ANO7: variants seen among roughly 807,000 people sequenced by gnomAD.
ANO7 encodes the protein anoctamin 7.
Under a neutral mutation model 115.8 loss-of-function variants are expected in ANO7, and 114 were observed. The ratio of observed to expected loss-of-function variants is 0.98; its 90% CI spans 0.85 to 1.15. The LOEUF is 1.15. Among genes scored for constraint, ANO7 ranks in the 50% most tolerant of loss-of-function variants. The probability of loss-of-function intolerance (pLI) is 0.00; values close to 1 mark genes in which losing one functional copy is unlikely to be tolerated. For synonymous variants in ANO7, 550 were observed against 498.2 expected, an observed-to-expected ratio of 1.10 and a Z score of -1.38; for missense variants, 1,302 against 1,201.2, an observed-to-expected ratio of 1.08 and a Z score of -1.24.
At chr2:241,207,504 C>T (rs2068620024) in intron 10 of ANO7, 70 bp from the exon 11 acceptor site, 7 of 1,307,168 alleles carry the variant, frequency 5.4e-6, no homozygotes, top group East Asian at 2.3e-5. Flanking sequence ...ACAAGGGAGG[C>T]GCCTGGCTGG....
the ANO7 span, chr2:241,235,648 T>C: frequency 8.1e-5 from 106 of 1,304,560 alleles, no homozygotes; most frequent in Non-Finnish European, 8.7e-5. Flanking sequence ...AGAGTGACGT[T>C]GTAAGCTCAG....
At position 241,216,096 on chromosome 2, in the gene ANO7, G is replaced by A. The variant is rs1387112369; in HGVS notation, c.1830G>A (p.Lys610=). The change falls in exon 19 of 25, where the codon AAG becomes AAA. Residue 610 remains lysine (K), a synonymous_variant. Transcript: ENST00000674324. ...TTTCCTGTATTCCCGTCCCCAGGAA[G>A]CTAAAGGGCTGGTGGCAGAAGTTCC... ...INNMQEVLIP[K]LKGWWQKFRL... is the part of the protein sequence containing the mutation. The A allele has an allele frequency of 3.1e-6, 5 of 1,605,308 alleles. No individual in the cohort carries two copies. Among genetic ancestry groups the A allele is most frequent in the South Asian group, 1.1e-5 (1 of 89,936 alleles).
At chr2:241,193,496 C>T (rs544787281) in intron 3 of ANO7, among the ~76,000 whole-genome samples, 2 of 152,244 alleles carry the variant, frequency 1.3e-5, no homozygotes, top group African/African-American at 4.8e-5. Flanking sequence ...CCCCTCCCTC[C>T]CAGCCCCACC....
the ANO7 span, chr2:241,238,741 C>T: frequency 2.5e-6 from 4 of 1,576,360 alleles, no homozygotes; most frequent in Non-Finnish European, 3.5e-6. This position sits in a 1 kb window ranked among gnomAD's most constrained non-coding sequence, Gnocchi z 4.9. Context: ...CATGACAGAT[C>T]GATGGAATTT....
chr2:241,223,520 C>A, intron 22 of ANO7, 142 bp from the exon 23 acceptor site: 1 of 1,356,766 alleles, frequency 7.4e-7, no homozygotes, highest in Non-Finnish European at 1.0e-6. Flanking sequence ...GGCCTCTGCC[C>A]CTTCTGGGGT....
intron 3 of ANO7, among the ~76,000 whole-genome samples, chr2:241,194,291 T>C (rs2068271500): frequency 6.7e-6 from 1 of 150,094 alleles, no homozygotes; most frequent in Non-Finnish European, 1.5e-5. Context: ...CATAGGTATA[T>C]AGAAATTATT....
chr2:241,195,926 G>A, intron 4 of ANO7, 81 bp downstream of exon 4: 2 of 1,612,622 alleles, frequency 1.2e-6, no homozygotes, highest in Admixed American at 1.7e-5. Context: ...GAGGCCTGAG[G>A]GCATGGTGTC....
intron 20 of ANO7, 86 bp downstream of exon 20, chr2:241,217,977 C>CG (rs1476160294): frequency 5.1e-5 from 1 of 19,450 alleles, no homozygotes. Context: ...AGGGGCGGGC[C>CG]GGGGGCAGCG....
chr2:241,227,611 G>A (rs1353525197), downstream of ANO7: 1 of 152,628 alleles, frequency 6.6e-6, no homozygotes, highest in Non-Finnish European at 1.5e-5. Flanking sequence ...GAAAGGGCTC[G>A]CGTCTAAGAC....
chr2:241,202,707 T>G (rs987008347), intron 8 of ANO7, among the ~76,000 whole-genome samples: 1 of 152,208 alleles, frequency 6.6e-6, no homozygotes, highest in Admixed American at 6.5e-5. Context: ...CCTGTTCCTA[T>G]CAGCGTTACC....
At chr2:241,226,379 C>T (rs1193735811), downstream of ANO7, among the ~76,000 whole-genome samples, 1 of 151,940 alleles carries the variant, frequency 6.6e-6, no homozygotes, top group Non-Finnish European at 1.5e-5. Flanking sequence ...CTGTGGGTTG[C>T]ATATTTAGGG....
rs2068820917 is a variant in ANO7, at chr2:241,216,030, A to G, written c.1827-63A>G. 3 of 1,538,830 alleles carry G rather than the reference A, an allele frequency of 1.9e-6. No individual in the cohort carries two copies. In the African/African-American group the frequency reaches 4.1e-5, roughly 21 times the overall value. On this transcript the variant is annotated intron_variant, in intron 18 of 24. Transcript: ENST00000674324. ...TGTCCCGGCCACATCTCCCCCAAGGACTATAGCAGCCACTGAGACCCATGT... is the reference window on the plus strand; with the variant it reads ...TGTCCCGGCCACATCTCCCCCAAGGGCTATAGCAGCCACTGAGACCCATGT...
chr2:241,235,198 G>A, the ANO7 span: 1 of 1,614,224 alleles, frequency 6.2e-7, no homozygotes, highest in South Asian at 1.1e-5. Flanking sequence ...TTTGCAGCGA[G>A]GCCCGTGATG....
chr2:241,230,959 T>C (rs1247787934), downstream of ANO7: 2 of 1,609,588 alleles, frequency 1.2e-6, no homozygotes, highest in Admixed American at 1.7e-5. This position sits in a 1 kb window ranked among gnomAD's most constrained non-coding sequence, Gnocchi z 5.0. Flanking sequence ...AAAAGGAGAA[T>C]GTAGTCAGAA....
At chr2:241,236,286 G>T in the ANO7 span, 1 of 347,760 alleles carries the variant, frequency 2.9e-6, no homozygotes, top group Non-Finnish European at 5.3e-6. Context: ...CGCGGGGGGA[G>T]ACGTTGCAAC....
Position 241,216,083 on chromosome 2 carries a change from C to T in ANO7, c.1827-10C>T. 1 of 1,598,102 alleles carries T rather than the reference C, an allele frequency of 6.3e-7. No individual in the cohort carries two copies. The stretch of plus-strand genomic sequence containing the variant: ...GATCAAAGGCCATTTTCCTGTATTC[C>T]CGTCCCCAGGAAGCTAAAGGGCTGG... On this transcript the variant is annotated splice_polypyrimidine_tract_variant and intron_variant, in intron 18 of 24. Transcript: ENST00000674324.
the ANO7 span, chr2:241,236,628 T>G: frequency 6.2e-7 from 1 of 1,614,090 alleles, no homozygotes. Flanking sequence ...CAGAGCTTCC[T>G]TGGCAGCCTC....
Position 241,209,299 on chromosome 2 carries a change from C to G in ANO7, c.1092C>G (p.Phe364Leu), listed in dbSNP as rs762282243. Residue 364 changes from phenylalanine to leucine, a missense_variant, in exon 12 of 25, where the codon TTC becomes TTG. Phe to Leu is a conservative substitution (Grantham distance 22). Transcript: ENST00000674324. ...ACALAQAGRL[F>L]DHGGTVFFSL... Reference sequence around the variant, plus strand: ...CCCTGCCACAGGCCGGCCGGCTGTTCGACCACGGCGGCACCGTGTTCTTCA... The same window carrying G: ...CCCTGCCACAGGCCGGCCGGCTGTTGGACCACGGCGGCACCGTGTTCTTCA... The G allele has an allele frequency of 5.2e-5, 81 of 1,556,710 alleles. No homozygotes were observed. In the Admixed American group the frequency reaches 1.6e-3, roughly 30 times the overall value.
rs772229339 is a variant in ANO7, at chr2:241,188,737, C to T, written c.-37C>T. 56 of 1,613,458 alleles carry T rather than the reference C, an allele frequency of 3.5e-5. No individual in the cohort carries two copies. In the Admixed American group the frequency reaches 3.7e-4, roughly 11 times the overall value. The stretch of plus-strand genomic sequence containing the variant: ...ACGCTGAGAGGTGGGCCATGACCTC[C>T]GAGACCTCTTCCGGAAGCCACTGTG... On this transcript the variant is annotated 5_prime_UTR_variant, in exon 1 of 25. Coordinates refer to ENST00000674324, the MANE Select transcript of ANO7 (RefSeq NM_001370694.2). This position sits in a 1 kb window ranked among gnomAD's most constrained non-coding sequence, Gnocchi z 4.3.
Sources: gnomAD v4.1 joint callset for allele counts (sites outside exome capture counted in the v4.1 genomes callset) on GRCh38, gnomAD v4.1.1 for gene constraint, Gnocchi (gnomAD v3.1) non-coding constraint, MANE v1.5 for transcripts, NCBI Gene and HGNC (gene_info 2026-07-23, HGNC 2026-07-21) for gene names.